The following AOPEP variants were observed in gnomAD, a reference collection of about 807,000 sequenced individuals.
AOPEP encodes the protein aminopeptidase O.
AOPEP carries 77 observed loss-of-function variants against 98.1 expected under a neutral mutation model. The ratio of observed to expected loss-of-function variants is 0.78; its 90% CI spans 0.65 to 0.95. The LOEUF is 0.95. AOPEP is among the 40% of genes least tolerant of loss of function. The probability of loss-of-function intolerance (pLI) is 0.00; values close to 1 mark genes in which losing one functional copy is unlikely to be tolerated. For missense variants in AOPEP, 1,024 were observed against 1,024.7 expected, an observed-to-expected ratio of 1.00 and a Z score of 0.01; for synonymous variants, 346 against 365.3, an observed-to-expected ratio of 0.95 and a Z score of 0.60.
intron 13 of AOPEP, among the ~76,000 whole-genome samples, chr9:95,056,936 A>T (rs552351316): frequency 6.6e-6 from 1 of 152,310 alleles, no homozygotes; most frequent in Non-Finnish European, 1.5e-5. Flanking sequence ...GGCACCTTGT[A>T]GTCCTATTTT....
chr9:95,053,846 A>C lies in AOPEP; in HGVS notation c.2116-6848A>C, dbSNP rs559363435. ...ATGATCCTCCCACTTCAGCCTCCCAAATAGCTGGGACTACAGATGCATATC... is the reference window on the plus strand; with the variant it reads ...ATGATCCTCCCACTTCAGCCTCCCACATAGCTGGGACTACAGATGCATATC... On this transcript the variant is annotated intron_variant, in intron 13 of 16. Transcript: ENST00000375315. Among the ~76,000 whole-genome samples, 290 of 152,114 alleles carry C rather than the reference A, an allele frequency of 1.9e-3. 7 individuals carry two copies. The highest frequency in any genetic ancestry group is 3.9e-3 in the South Asian group (19 of 4,814).
At chr9:94,950,996 T>G (rs1367795446) in intron 7 of AOPEP, among the ~76,000 whole-genome samples, 1 of 152,186 alleles carries the variant, frequency 6.6e-6, no homozygotes, top group Non-Finnish European at 1.5e-5. Context: ...GCCCACTCTT[T>G]AAATATCCAC....
chr9:94,979,610 G>A (rs892083599), intron 11 of AOPEP, among the ~76,000 whole-genome samples, 183 bp downstream of exon 11: 1 of 152,230 alleles, frequency 6.6e-6, no homozygotes, highest in Non-Finnish European at 1.5e-5. Flanking sequence ...TGTGGGGTGT[G>A]CCTCTGGCCA....
intron 5 of AOPEP, among the ~76,000 whole-genome samples, chr9:94,915,911 G>A (rs928817098): frequency 1.3e-5 from 2 of 152,206 alleles, no homozygotes; most frequent in African/African-American, 4.8e-5. Flanking sequence ...GGGAAGATTT[G>A]ATTTGTGGAC....
intron 10 of AOPEP, among the ~76,000 whole-genome samples, chr9:94,975,494 G>A (rs370565452): frequency 4.0e-5 from 6 of 151,450 alleles, no homozygotes; most frequent in Non-Finnish European, 8.8e-5. Context: ...CTAACCCTCT[G>A]AGTTGGCCGA....
At position 94,818,344 on chromosome 9, in the gene AOPEP, G is replaced by C. The variant is rs151282172; in HGVS notation, c.1364+17342G>C. Among the ~76,000 whole-genome samples, 82 of 152,334 alleles carry C rather than the reference G, an allele frequency of 5.4e-4. 1 individual carries two copies. In the East Asian group the frequency reaches 0.014, roughly 25 times the overall value. Reference sequence around the variant, plus strand: ...ATTAGTGTGAATCACAGATTCTACAGTTCCTATCAACCCAATGTCTAAAAT... The same window carrying C: ...ATTAGTGTGAATCACAGATTCTACACTTCCTATCAACCCAATGTCTAAAAT... On this transcript the variant is annotated intron_variant, in intron 5 of 16. Coordinates refer to ENST00000375315, the MANE Select transcript of AOPEP (RefSeq NM_001193329.3).
At chr9:95,144,794 G>A in the AOPEP span, among the ~76,000 whole-genome samples, 1 of 152,288 alleles carries the variant, frequency 6.6e-6, no homozygotes, top group East Asian at 1.9e-4. Context: ...CAGTGGTGGG[G>A]CCGTGAAGCG....
chr9:94,931,235 G>T (rs1240348537), intron 7 of AOPEP, among the ~76,000 whole-genome samples: 1 of 152,108 alleles, frequency 6.6e-6, no homozygotes, highest in Non-Finnish European at 1.5e-5. Context: ...TCCTTTGTGT[G>T]TGGAGTTGGG....
At chr9:95,111,173 T>TA in the AOPEP span, 6 of 1,535,686 alleles carry the variant, frequency 3.9e-6, no homozygotes, top group Non-Finnish European at 5.2e-6. Flanking sequence ...CTGGGGCAGA[T>TA]ATGGCAGCTG....
chr9:94,907,230 T>C (rs752526068), intron 5 of AOPEP, among the ~76,000 whole-genome samples: 2 of 152,102 alleles, frequency 1.3e-5, no homozygotes, highest in Non-Finnish European at 2.9e-5. Context: ...ATCAGACACA[T>C]TGGTTTCCTG....
At chr9:94,986,607 C>G (rs1480862746) in intron 11 of AOPEP, among the ~76,000 whole-genome samples, 1 of 152,146 alleles carries the variant, frequency 6.6e-6, no homozygotes, top group Non-Finnish European at 1.5e-5. Context: ...AATTAAAAAT[C>G]ATGTCTTCAT....
intron 5 of AOPEP, among the ~76,000 whole-genome samples, chr9:94,810,911 G>A (rs1011440634): frequency 6.6e-6 from 1 of 152,126 alleles, no homozygotes; most frequent in African/African-American, 2.4e-5. Context: ...TCAGTGAAAA[G>A]CATCATTTTC....
chr9:95,092,611 G>A, the AOPEP span, among the ~76,000 whole-genome samples: 1 of 152,184 alleles, frequency 6.6e-6, no homozygotes, highest in African/African-American at 2.4e-5. Context: ...TTTCAGCCTG[G>A]GCCTTTGTGG....
At chr9:94,794,128 A>T (rs1030125814) in intron 4 of AOPEP, among the ~76,000 whole-genome samples, 2 of 152,214 alleles carry the variant, frequency 1.3e-5, no homozygotes, top group Admixed American at 6.5e-5. Flanking sequence ...AGTATGAACC[A>T]GATAAAATCA....
the AOPEP span, among the ~76,000 whole-genome samples, chr9:95,103,515 G>A: frequency 1.3e-5 from 2 of 152,218 alleles, no homozygotes; most frequent in Non-Finnish European, 2.9e-5. Context: ...TGGAGCCCCA[G>A]GGGTGGACTC....
At chr9:95,107,889 TAATG>T in the AOPEP span, among the ~76,000 whole-genome samples, 3 of 152,220 alleles carry the variant, frequency 2.0e-5, no homozygotes, top group East Asian at 1.9e-4. Context: ...ACCCACATAA[TAATG>T]GTAATTATAA....
At chr9:95,045,077 T>C (rs1324095257) in intron 13 of AOPEP, among the ~76,000 whole-genome samples, 1 of 152,184 alleles carries the variant, frequency 6.6e-6, no homozygotes, top group Non-Finnish European at 1.5e-5. Context: ...CCTGACACCC[T>C]GGAGAGTTGG....
chr9:94,797,743 G>A (rs112599704), intron 4 of AOPEP, among the ~76,000 whole-genome samples: 20,675 of 129,984 alleles, frequency 0.16, 1,598 homozygotes, highest in Admixed American at 0.23. Flanking sequence ...ATGCTTTGTT[G>A]CCCAGGCTGG....
intron 5 of AOPEP, among the ~76,000 whole-genome samples, chr9:94,814,184 C>G (rs1851226931): frequency 6.6e-6 from 1 of 152,178 alleles, no homozygotes; most frequent in Non-Finnish European, 1.5e-5. Flanking sequence ...CAAACACCTC[C>G]AATTGGTTCC....
Sources: allele counts gnomAD v4.1 joint callset (sites outside exome capture counted in the v4.1 genomes callset), GRCh38; gene constraint gnomAD v4.1.1; transcripts MANE v1.5; gene names NCBI Gene and HGNC (gene_info 2026-07-23, HGNC 2026-07-21).